The following CSMD1 variants were observed in gnomAD, a reference collection of about 807,000 sequenced individuals.
The protein encoded by CSMD1 is CUB and sushi domain-containing protein 1.
Under a neutral mutation model 417.5 loss-of-function variants are expected in CSMD1, and 213 were observed. The observed-to-expected ratio is 0.51, with a 90% CI of 0.46 to 0.57. The LOEUF (loss-of-function observed/expected upper bound fraction) is 0.57, where lower values mean the gene tolerates loss of function less well. CSMD1 is among the 20% of genes least tolerant of loss of function. The pLI, the probability that CSMD1 is intolerant of heterozygous loss-of-function variation, is 0.00. For synonymous variants in CSMD1, 2,862 were observed against 1,736.8 expected, an observed-to-expected ratio of 1.65 and a Z score of -16.11; for missense variants, 6,923 against 4,529.7, an observed-to-expected ratio of 1.53 and a Z score of -15.17.
intron 1 of CSMD1, among the ~76,000 whole-genome samples, chr8:4,885,591 G>A (rs1803685078): frequency 6.6e-6 from 1 of 151,832 alleles, no homozygotes; most frequent in Non-Finnish European, 1.5e-5. Context: ...TGATTAGGTG[G>A]CTTTTGTCCT....
chr8:3,541,030 T>A (rs1798415328), intron 10 of CSMD1, among the ~76,000 whole-genome samples: 1 of 152,210 alleles, frequency 6.6e-6, no homozygotes, highest in South Asian at 2.1e-4. Context: ...CATTACTGGG[T>A]ATATACCCAA....
chr8:4,241,902 A>G, intron 3 of CSMD1, among the ~76,000 whole-genome samples: 1 of 152,170 alleles, frequency 6.6e-6, no homozygotes, highest in South Asian at 2.1e-4. Flanking sequence ...AGGCATAAAG[A>G]CAACATCGTG....
At chr8:3,726,794 G>A (rs550355203) in intron 6 of CSMD1, among the ~76,000 whole-genome samples, 1 of 152,162 alleles carries the variant, frequency 6.6e-6, no homozygotes, top group Non-Finnish European at 1.5e-5. Context: ...TGATGGAAAT[G>A]AGTTGTGCAA....
At chr8:3,453,590 A>G (rs1000973796) in intron 12 of CSMD1, among the ~76,000 whole-genome samples, 7 of 152,196 alleles carry the variant, frequency 4.6e-5, no homozygotes, top group Admixed American at 3.3e-4. Context: ...ATTGAGGAGC[A>G]GGTTGTTCAG....
intron 2 of CSMD1, among the ~76,000 whole-genome samples, chr8:4,603,598 T>C (rs1585316810): frequency 6.6e-6 from 1 of 152,096 alleles, no homozygotes. Flanking sequence ...CTTTGCAAAA[T>C]AGTGCGAAAA....
At chr8:3,790,119 G>T (rs1437602395) in intron 5 of CSMD1, among the ~76,000 whole-genome samples, 2 of 152,172 alleles carry the variant, frequency 1.3e-5, no homozygotes, top group Non-Finnish European at 2.9e-5. Context: ...GCTGCTTATA[G>T]TTATTTTCGA....
At chr8:3,101,250 T>A (rs1256436804) in intron 46 of CSMD1, among the ~76,000 whole-genome samples, 3 of 152,146 alleles carry the variant, frequency 2.0e-5, no homozygotes, top group African/African-American at 7.2e-5. Context: ...ATCTCCTCCT[T>A]TTTCCTCAAC....
At chr8:4,120,887 T>C (rs1291205955) in intron 3 of CSMD1, among the ~76,000 whole-genome samples, 2 of 152,212 alleles carry the variant, frequency 1.3e-5, no homozygotes, top group Non-Finnish European at 2.9e-5. Flanking sequence ...TTATTGTTTA[T>C]ACACCATGGA....
chr8:4,011,948 T>A (rs1477938786), intron 4 of CSMD1, among the ~76,000 whole-genome samples: 2 of 151,928 alleles, frequency 1.3e-5, no homozygotes, highest in African/African-American at 4.8e-5. Context: ...TTAAATCATC[T>A]CTCCATTATT....
chr8:3,889,298 G>C (rs887110008), intron 5 of CSMD1, among the ~76,000 whole-genome samples: 1 of 150,748 alleles, frequency 6.6e-6, no homozygotes, highest in Non-Finnish European at 1.5e-5. Flanking sequence ...TTTTTTCAGA[G>C]GTTAAAAGGA....
At chr8:4,819,164 C>T (rs1402778537) in intron 1 of CSMD1, among the ~76,000 whole-genome samples, 1 of 152,148 alleles carries the variant, frequency 6.6e-6, no homozygotes, top group Non-Finnish European at 1.5e-5. Context: ...TGGTGTCCTT[C>T]CACTCTCAAG....
At chr8:4,273,286 G>A (rs926210712) in intron 3 of CSMD1, among the ~76,000 whole-genome samples, 2 of 152,124 alleles carry the variant, frequency 1.3e-5, no homozygotes, top group East Asian at 1.9e-4. Context: ...ATGAATGTGA[G>A]TATATGTATA....
intron 25 of CSMD1, among the ~76,000 whole-genome samples, chr8:3,306,986 GT>G (rs1804910193): frequency 6.6e-6 from 1 of 151,930 alleles, no homozygotes; most frequent in Non-Finnish European, 1.5e-5. Flanking sequence ...TTTTATATGT[GT>G]TACTTTAGAG....
At chr8:4,854,168 A>AT (rs1801651368) in intron 1 of CSMD1, among the ~76,000 whole-genome samples, 1 of 152,126 alleles carries the variant, frequency 6.6e-6, no homozygotes, top group African/African-American at 2.4e-5. Flanking sequence ...AGATGATTCT[A>AT]TTTTGCAATG....
chr8:3,377,802 C>T (rs1222503650), intron 18 of CSMD1, among the ~76,000 whole-genome samples: 1 of 152,146 alleles, frequency 6.6e-6, no homozygotes, highest in African/African-American at 2.4e-5. Flanking sequence ...AGTTACTACC[C>T]CCTGGGAGCT....
intron 2 of CSMD1, among the ~76,000 whole-genome samples, chr8:4,561,881 T>C (rs1056417824): frequency 3.3e-5 from 5 of 152,148 alleles, no homozygotes; most frequent in African/African-American, 1.2e-4. Flanking sequence ...ACACAGCGCA[T>C]ATGTCATGAA....
intron 1 of CSMD1, among the ~76,000 whole-genome samples, chr8:4,946,871 C>A (rs1207452963): frequency 6.6e-6 from 1 of 151,876 alleles, no homozygotes; most frequent in East Asian, 1.9e-4. Context: ...TAAATCATAG[C>A]CATGATTTAA....
At position 3,797,434 on chromosome 8, in the gene CSMD1, C is replaced by T. The variant is rs372565582; in HGVS notation, c.819-43392G>A. 1.8e-4 allele frequency among the ~76,000 whole-genome samples: 28 copies of T among 152,054 alleles called. No homozygotes were observed. In the South Asian group the frequency reaches 5.8e-3, roughly 32 times the overall value. The stretch of plus-strand genomic sequence containing the variant: ...CATTTTTCCTCTTACATTCAGTTTC[C>T]ATCCCTTCCCTCCACAGGCAACTTT... On this transcript the variant is annotated intron_variant, in intron 5 of 69. Transcript: ENST00000635120.
intron 3 of CSMD1, among the ~76,000 whole-genome samples, chr8:4,200,273 T>A (rs1211306434): frequency 6.6e-6 from 1 of 152,174 alleles, no homozygotes; most frequent in Non-Finnish European, 1.5e-5. Context: ...AATTACCTTT[T>A]TTCAGAGGAT....
Sources: allele counts gnomAD v4.1 joint callset (sites outside exome capture counted in the v4.1 genomes callset), GRCh38; gene constraint gnomAD v4.1.1; transcripts MANE v1.5; gene names NCBI Gene and HGNC (gene_info 2026-07-23, HGNC 2026-07-21).